The following TRMT1L variants were observed in gnomAD, a reference collection of about 807,000 sequenced individuals.
TRMT1L encodes the protein tRNA methyltransferase 1L, also known as tRNA (guanine(27)-N(2))-dimethyltransferase.
A neutral mutation model predicts 81.6 loss-of-function variants in TRMT1L; 28 were observed. That is an observed-to-expected ratio of 0.34 (90% CI 0.25 to 0.47). The LOEUF is 0.47. Ranked by LOEUF, TRMT1L falls within the 20% of genes least tolerant of loss-of-function variation. The pLI, the probability that TRMT1L is intolerant of heterozygous loss-of-function variation, is 1.00. For missense variants in TRMT1L, 739 were observed against 877.1 expected (o/e 0.84, Z 1.99); for synonymous variants, 301 against 303.2 (o/e 0.99, Z 0.07).
At chr1:185,146,041 T>C (rs1440436537) in intron 4 of TRMT1L, among the ~76,000 whole-genome samples, 2 of 152,000 alleles carry the variant, frequency 1.3e-5, no homozygotes, top group African/African-American at 4.8e-5. Context: ...TGTGCATTAT[T>C]ACACCATTAC....
chr1:185,141,238 A>G (rs1012272862), intron 7 of TRMT1L, among the ~76,000 whole-genome samples: 2 of 152,062 alleles, frequency 1.3e-5, no homozygotes, highest in African/African-American at 4.8e-5. Context: ...ACATATACGC[A>G]TTTTTCATAT....
chr1:185,144,077 TAAACA>T, intron 5 of TRMT1L, 48 bp from the exon 6 acceptor site: 1 of 1,514,902 alleles, frequency 6.6e-7, no homozygotes, highest in Non-Finnish European at 8.9e-7. Flanking sequence ...AAAATAATTC[TAAACA>T]AAAGATTTCC....
rs1045430274 is a variant in TRMT1L, at chr1:185,140,063, A to G, written c.1019T>C (p.Ile340Thr). 15 of 1,613,668 alleles carry G rather than the reference A, an allele frequency of 9.3e-6. No homozygotes were observed. Among genetic ancestry groups the G allele is most frequent in the Non-Finnish European group, 1.2e-5 (14 of 1,179,858 alleles). The change falls in exon 8 of 15, where the codon ATT becomes ACT. Residue 340 changes from isoleucine (I) to threonine (T), a missense_variant. Ile to Thr is a moderately conservative substitution (Grantham distance 89). Coordinates refer to ENST00000367506, the MANE Select transcript of TRMT1L (RefSeq NM_030934.5). ...DSKEKEKSDD[I>T]LEEGEKNLGN... ...AAGATTTTTCTCTCCTTCTTCAAGA[A>G]TATCATCACTCTTTTCCTTTTCCTT...
chr1:185,123,378 G>T (rs895489683), intron 13 of TRMT1L, among the ~76,000 whole-genome samples: 34 of 152,112 alleles, frequency 2.2e-4, no homozygotes, highest in African/African-American at 8.0e-4. Flanking sequence ...CCTTTAATAT[G>T]AATTTAGTGT....
At position 185,139,459 on chromosome 1, in the gene TRMT1L, C is replaced by T. The variant is rs772903620; in HGVS notation, c.1230G>A (p.Gln410=). 1 of 1,614,122 alleles carries T rather than the reference C, an allele frequency of 6.2e-7. No homozygotes were observed. The highest frequency in any genetic ancestry group is 1.1e-5 in the South Asian group (1 of 91,084). The change falls in exon 9 of 15, where the codon CAG becomes CAA. Residue 410 remains glutamine, a synonymous_variant. Transcript: ENST00000367506. The part of the protein sequence containing the change: ...TDISSLYAKA[Q]HVARRHYGCN... ...ATCCGTAGTGACGCCGGGCAACATG[C>T]TGTGCCTTGGCATATAAAGAACTGA...
rs756585849 is a variant in TRMT1L, at chr1:185,120,498, T to C, written c.1834A>G (p.Ser612Gly). The change falls in exon 14 of 15, where the codon AGT (serine) becomes GGT (glycine). Residue 612 changes from serine to glycine, a missense_variant. Ser to Gly is a moderately conservative substitution (Grantham distance 56, BLOSUM62 0). Transcript: ENST00000367506. ...DNYIAQGKRKSNEMITNLGKK... is the reference protein window; with the variant it reads ...DNYIAQGKRKGNEMITNLGKK... ...CCTAAATTTGTGATCATTTCATTACTTTTTCTCTTTCCTGCAACATACACA... is the reference window on the plus strand; with the variant it reads ...CCTAAATTTGTGATCATTTCATTACCTTTTCTCTTTCCTGCAACATACACA... 1 of 1,582,768 alleles carries C rather than the reference T, an allele frequency of 6.3e-7. No individual in the cohort carries two copies. The highest frequency in any genetic ancestry group is 2.3e-5 in the East Asian group (1 of 43,726).
chr1:185,153,710 A>G (rs1051497396), intron 1 of TRMT1L, among the ~76,000 whole-genome samples: 2 of 152,170 alleles, frequency 1.3e-5, no homozygotes, highest in African/African-American at 4.8e-5. Context: ...GCATTCCAAG[A>G]GAAAGGAACA....
Position 185,120,000 on chromosome 1 carries a change from A to G in TRMT1L, c.*19T>C. On this transcript the variant is annotated 3_prime_UTR_variant, in exon 15 of 15. Coordinates refer to ENST00000367506, the MANE Select transcript of TRMT1L (RefSeq NM_030934.5). Reference sequence around the variant, plus strand: ...TAGGCCATCTATACAGACACCTGAGAACCAATTCTTCTCTACGTTTACCAT... The same window carrying G: ...TAGGCCATCTATACAGACACCTGAGGACCAATTCTTCTCTACGTTTACCAT... 1 of 1,611,708 alleles carries G rather than the reference A, an allele frequency of 6.2e-7. No homozygotes were observed.
chr1:185,137,690 C>A lies in TRMT1L; in HGVS notation c.1429G>T (p.Glu477Ter), dbSNP rs1279036186. 1 of 1,614,148 alleles carries A rather than the reference C, an allele frequency of 6.2e-7. No individual in the cohort carries two copies. The highest frequency in any genetic ancestry group is 1.7e-5 in the Admixed American group (1 of 60,022). The part of the protein sequence containing the change: ...RVLRGPTSAD[E>*]TAKKIQYLIH... ...AGGTATTGAATCTTCTTGGCTGTTT[C>A]ATCTGCTGAAGTAGGTCCCCTCAAA... Residue 477 changes from glutamate to a stop codon, truncating the protein, a stop_gained, in exon 10 of 15, where the codon GAA becomes TAA. Transcript: ENST00000367506. LOFTEE classifies it high-confidence loss of function.
chr1:185,146,599 T>A (rs1653194070), intron 4 of TRMT1L, among the ~76,000 whole-genome samples: 1 of 152,006 alleles, frequency 6.6e-6, no homozygotes, highest in Non-Finnish European at 1.5e-5. Context: ...TTTTAGTGGC[T>A]CAAAAGAAAA....
intron 4 of TRMT1L, among the ~76,000 whole-genome samples, chr1:185,146,506 A>G (rs925834466): frequency 1.3e-5 from 2 of 151,998 alleles, no homozygotes; most frequent in African/African-American, 4.8e-5. Context: ...CATATTCAAA[A>G]TATCTTAGAC....
chr1:185,137,552 A>G (rs750537745), intron 10 of TRMT1L, 54 bp downstream of exon 10: 1 of 1,524,696 alleles, frequency 6.6e-7, no homozygotes, highest in Non-Finnish European at 9.1e-7. Context: ...GTATGTGATA[A>G]AGGCTTATTC....
chr1:185,124,845 A>G (rs1652583663), intron 12 of TRMT1L, 99 bp downstream of exon 12: 2 of 1,155,636 alleles, frequency 1.7e-6, no homozygotes, highest in African/African-American at 1.6e-5. Flanking sequence ...CACTATTTAT[A>G]ATTATATTGG....
At chr1:185,131,280 A>G (rs1291766948) in intron 10 of TRMT1L, among the ~76,000 whole-genome samples, 1 of 152,094 alleles carries the variant, frequency 6.6e-6, no homozygotes, top group Non-Finnish European at 1.5e-5. Context: ...ATTACAGCCA[A>G]ATCCGTTGGT....
At chr1:185,127,623 G>T (rs1652662483) in intron 11 of TRMT1L, among the ~76,000 whole-genome samples, 1 of 151,978 alleles carries the variant, frequency 6.6e-6, no homozygotes, top group Non-Finnish European at 1.5e-5. Context: ...GCTGGGCATG[G>T]TGGCACATGC....
chr1:185,144,040 A>C lies in TRMT1L; in HGVS notation c.656-11T>G, dbSNP rs780842434. The C allele has an allele frequency of 6.4e-7, 1 of 1,564,016 alleles. No individual in the cohort carries two copies. Among genetic ancestry groups the C allele is most frequent in the Admixed American group, 2.0e-5 (1 of 50,126 alleles). On this transcript the variant is annotated splice_polypyrimidine_tract_variant and intron_variant, in intron 5 of 14. Coordinates refer to ENST00000367506, the MANE Select transcript of TRMT1L (RefSeq NM_030934.5). ...GTTTAGCAGTGGAAGCTAAGATGGA[A>C]AAAAGAAAAGATTTCCAGGGAAACA...
chr1:185,152,229 T>C lies in TRMT1L; in HGVS notation c.236-294A>G, dbSNP rs556799656. 5.3e-4 allele frequency among the ~76,000 whole-genome samples: 80 copies of C among 152,254 alleles called. 1 individual carries two copies. The highest frequency in any genetic ancestry group is 2.3e-3 in the Admixed American group (35 of 15,292). ...GAAGGAAACGTTAAGTCATGTTTTC[T>C]ATCTTCAAAGAACTTTCAATCAGGT... On this transcript the variant is annotated intron_variant, in intron 1 of 14. Transcript: ENST00000367506.
chr1:185,136,647 G>A (rs754466263), intron 10 of TRMT1L, among the ~76,000 whole-genome samples: 2 of 152,034 alleles, frequency 1.3e-5, no homozygotes, highest in Non-Finnish European at 2.9e-5. Context: ...ATTAACAAAA[G>A]AGCAATACAG....
intron 1 of TRMT1L, among the ~76,000 whole-genome samples, chr1:185,152,230 A>T (rs1256116618): frequency 6.6e-6 from 1 of 152,228 alleles, no homozygotes; most frequent in East Asian, 1.9e-4. Context: ...CATGTTTTCT[A>T]TCTTCAAAGA....
Sources: gnomAD v4.1 joint callset for allele counts (sites outside exome capture counted in the v4.1 genomes callset) on GRCh38, gnomAD v4.1.1 for gene constraint, MANE v1.5 for transcripts, NCBI Gene and HGNC (gene_info 2026-07-23, HGNC 2026-07-21) for gene names.